Variants in RIMS1 observed in about 807,000 individuals in gnomAD.
The protein encoded by RIMS1 is regulating synaptic membrane exocytosis 1.
A neutral mutation model predicts 214.1 loss-of-function variants in RIMS1; 83 were observed. That is an observed-to-expected ratio of 0.39 (90% CI 0.32 to 0.47). The LOEUF is 0.47. RIMS1 is among the 20% of genes least tolerant of loss of function. RIMS1 has a pLI of 0.99. For missense variants in RIMS1, 2,050 were observed against 2,161.8 expected (o/e 0.95, Z 1.03); for synonymous variants, 793 against 786.8 (o/e 1.01, Z -0.13).
At chr6:72,340,718 A>G (rs1200369569) in intron 29 of RIMS1, among the ~76,000 whole-genome samples, 1 of 152,074 alleles carries the variant, frequency 6.6e-6, no homozygotes, top group Non-Finnish European at 1.5e-5. Flanking sequence ...AGGTAGCATG[A>G]TGCCTCCAGC....
Position 72,097,138 on chromosome 6 carries a change from C to A in RIMS1, c.435C>A (p.Gly145=), listed in dbSNP as rs566900718. ...CTAAGTTCTGTGCGCGCTGCGGAGGCCGCGTGTCTCTACGGTCAAACAACG... is the reference window on the plus strand; with the variant it reads ...CTAAGTTCTGTGCGCGCTGCGGAGGACGCGTGTCTCTACGGTCAAACAACG... ...CRTKFCARCG[G]RVSLRSNNED... Residue 145 remains glycine (G), a synonymous_variant, in exon 3 of 34, where the codon GGC becomes GGA. Transcript: ENST00000521978. The A allele has an allele frequency of 4.8e-5, 77 of 1,613,880 alleles. 1 individual carries two copies. The South Asian group carries it at 8.1e-4, about 17-fold the overall frequency.
At chr6:72,074,167 C>T (rs191457678) in intron 2 of RIMS1, among the ~76,000 whole-genome samples, 2 of 152,176 alleles carry the variant, frequency 1.3e-5, no homozygotes, top group Admixed American at 6.5e-5. Flanking sequence ...TCCATTTGCC[C>T]GTTACTACCT....
chr6:71,898,256 A>G (rs1772469474), intron 1 of RIMS1, among the ~76,000 whole-genome samples: 1 of 152,194 alleles, frequency 6.6e-6, no homozygotes, highest in African/African-American at 2.4e-5. Flanking sequence ...TTTATAGCAT[A>G]GTACTGTTAG....
rs187188246 is a variant in RIMS1, at chr6:72,157,101, C to A, written c.472-22474C>A. Among the ~76,000 whole-genome samples, 93 of 140,710 alleles carry A rather than the reference C, an allele frequency of 6.6e-4. 5 individuals carry two copies. The highest frequency in any genetic ancestry group is 2.1e-3 in the African/African-American group (86 of 40,824). The allele number at this position is 140,710 out of a possible 152,430, so 92.3% of individuals were successfully genotyped here. On this transcript the variant is annotated intron_variant, in intron 4 of 33. Coordinates refer to ENST00000521978, the MANE Select transcript of RIMS1 (RefSeq NM_014989.7). ...AACAGTATAAGTCTCTGAAGTTTTTCTCTTTCAAGATTGTTTTTGTTCTTC... is the reference window on the plus strand; with the variant it reads ...AACAGTATAAGTCTCTGAAGTTTTTATCTTTCAAGATTGTTTTTGTTCTTC...
intron 25 of RIMS1, among the ~76,000 whole-genome samples, chr6:72,291,549 G>A (rs554565603): frequency 1.6e-4 from 25 of 152,274 alleles, no homozygotes; most frequent in African/African-American, 4.8e-4. Context: ...TAGCAGTTTA[G>A]GCAACAGCCT....
At chr6:72,120,128 CTT>C (rs1411436508) in intron 4 of RIMS1, among the ~76,000 whole-genome samples, 4 of 151,788 alleles carry the variant, frequency 2.6e-5, no homozygotes, top group Non-Finnish European at 5.9e-5. Flanking sequence ...GTGCATGTGT[CTT>C]TATAGTAGCA....
intron 1 of RIMS1, among the ~76,000 whole-genome samples, chr6:71,952,160 G>T (rs1583350146): frequency 6.6e-6 from 1 of 152,192 alleles, no homozygotes; most frequent in East Asian, 1.9e-4. Flanking sequence ...GATTATTTAT[G>T]GAACCCTAGG....
At chr6:72,118,760 A>G (rs12526899) in intron 4 of RIMS1, among the ~76,000 whole-genome samples, 11,678 of 151,806 alleles carry the variant, frequency 0.077, 843 homozygotes, top group East Asian at 0.29. Context: ...AAAGCATTTC[A>G]CAAAATCCAG....
rs191278947 is a variant in RIMS1 at position 72,148,485 on chromosome 6, G to A, written c.472-31090G>A. On this transcript the variant is annotated intron_variant, in intron 4 of 33. Coordinates refer to ENST00000521978, the MANE Select transcript of RIMS1 (RefSeq NM_014989.7). ...TGGGTGCCAGTGTGACCTTCACCAC[G>A]TAGCAGGAAGGCCTAGAGGGTAGGA... The A allele has an allele frequency of 1.4e-4, 53 of 386,792 alleles. 1 individual carries two copies. Among genetic ancestry groups the A allele is most frequent in the East Asian group, 8.5e-4 (11 of 12,936 alleles). The allele number at this position is 386,792 out of a possible 1,614,324, so 24.0% of individuals were successfully genotyped here. A position where few individuals can be genotyped will look rare whatever the true frequency, so the allele number is the denominator to read the frequency against.
intron 2 of RIMS1, among the ~76,000 whole-genome samples, chr6:72,057,498 C>CTTTTTTTTTTTTTT (rs56115719): frequency 1.6e-5 from 2 of 126,208 alleles, no homozygotes; most frequent in Non-Finnish European, 3.3e-5. Flanking sequence ...CCTTCTTTTT[C>CTTTTTTTTTTTTTT]TTTTTTTTTT....
At chr6:72,110,475 G>A (rs1362940587) in intron 4 of RIMS1, among the ~76,000 whole-genome samples, 8 of 149,842 alleles carry the variant, frequency 5.3e-5, no homozygotes, top group Non-Finnish European at 1.5e-5. Context: ...TTGTGAATGG[G>A]AGTTCACTCA....
intron 27 of RIMS1, among the ~76,000 whole-genome samples, chr6:72,311,491 G>A (rs1358858376): frequency 6.6e-6 from 1 of 152,042 alleles, no homozygotes; most frequent in Non-Finnish European, 1.5e-5. Context: ...ATTAATTTTA[G>A]ATCAAACATG....
rs372708808 is a variant in RIMS1, at chr6:71,953,823, A to T, written c.165-15160A>T. On this transcript the variant is annotated intron_variant, in intron 1 of 33. Transcript: ENST00000521978. ...ACCTGCTCTTCTGTTGAGACCACTG[A>T]GTTGCAACAGCTCTAATAAGGATGC... 3.9e-5 allele frequency among the ~76,000 whole-genome samples: 6 copies of T among 152,302 alleles called. No homozygotes were observed. The East Asian group carries it at 5.8e-4, about 15-fold the overall frequency.
chr6:72,347,852 A>G (rs2097318316), intron 29 of RIMS1, among the ~76,000 whole-genome samples: 1 of 151,852 alleles, frequency 6.6e-6, no homozygotes, highest in Non-Finnish European at 1.5e-5. Context: ...GTCCTATAAG[A>G]CTTTTAGGGA....
intron 1 of RIMS1, among the ~76,000 whole-genome samples, chr6:71,915,639 TCA>T (rs1778146088): frequency 6.6e-6 from 1 of 152,164 alleles, no homozygotes; most frequent in Non-Finnish European, 1.5e-5. Flanking sequence ...TTTCCTCTTC[TCA>T]CAGGATTGTT....
intron 10 of RIMS1, among the ~76,000 whole-genome samples, chr6:72,244,635 G>C (rs946155300): frequency 1.3e-5 from 2 of 151,694 alleles, no homozygotes; most frequent in Non-Finnish European, 3.0e-5. Context: ...TTGTAAATTA[G>C]TCTTTTAATT....
chr6:72,140,147 C>T (rs1246958283), intron 4 of RIMS1, among the ~76,000 whole-genome samples: 1 of 152,074 alleles, frequency 6.6e-6, no homozygotes, highest in Admixed American at 6.6e-5. Flanking sequence ...GATCAGTAAT[C>T]TATAAAAGAC....
intron 2 of RIMS1, among the ~76,000 whole-genome samples, chr6:71,970,092 A>C (rs1795479885): frequency 6.6e-6 from 1 of 152,230 alleles, no homozygotes; most frequent in African/African-American, 2.4e-5. Flanking sequence ...CAGGAGGCTT[A>C]ATAGGTGTTA....
chr6:72,130,957 A>T (rs189282586), intron 4 of RIMS1, among the ~76,000 whole-genome samples: 238 of 152,358 alleles, frequency 1.6e-3, no homozygotes, highest in African/African-American at 5.1e-3. Context: ...TTTCAAAGAA[A>T]TTCAACAGTT....
Sources: gnomAD v4.1 joint callset for allele counts (sites outside exome capture counted in the v4.1 genomes callset) on GRCh38, gnomAD v4.1.1 for gene constraint, MANE v1.5 for transcripts, NCBI Gene and HGNC (gene_info 2026-07-23, HGNC 2026-07-21) for gene names.